The following POLB variants were observed in gnomAD, a reference collection of about 807,000 sequenced individuals.
POLB encodes the protein 5'-dRP lyase.
Under a neutral mutation model 52.7 loss-of-function variants are expected in POLB, and 37 were observed. The ratio of observed to expected loss-of-function variants is 0.70; its 90% confidence interval spans 0.54 to 0.92. The LOEUF (loss-of-function observed/expected upper bound fraction) is 0.92, where lower values mean the gene tolerates loss of function less well. Ranked by LOEUF, POLB falls within the 40% of genes least tolerant of loss-of-function variation. The pLI is 0.00. For missense variants in POLB, 313 were observed against 400.8 expected, an observed-to-expected ratio of 0.78 and a Z score of 1.87; for synonymous variants, 138 against 131.3, an observed-to-expected ratio of 1.05 and a Z score of -0.35.
At chr8:42,365,395 C>T (rs180882577) in intron 11 of POLB, among the ~76,000 whole-genome samples, 2 of 152,280 alleles carry the variant, frequency 1.3e-5, no homozygotes, top group South Asian at 2.1e-4. Flanking sequence ...AAAAATAGGG[C>T]TTGTGTATGC....
intron 4 of POLB, 27 bp from the exon 5 acceptor site, chr8:42,349,980 A>G: frequency 6.6e-7 from 1 of 1,512,018 alleles, no homozygotes; most frequent in Non-Finnish European, 9.2e-7. Flanking sequence ...TTCCTAAATC[A>G]TTGTTAGACT....
At chr8:42,348,622 G>A (rs1822777803) in intron 3 of POLB, among the ~76,000 whole-genome samples, 1 of 152,128 alleles carries the variant, frequency 6.6e-6, no homozygotes, top group South Asian at 2.1e-4. Flanking sequence ...TGATGCTGAT[G>A]TATGCAGGAG....
chr8:42,355,463 C>T (rs1585894235), intron 6 of POLB, 53 bp from the exon 7 acceptor site: 1 of 978,242 alleles, frequency 1.0e-6, no homozygotes, highest in South Asian at 1.4e-5. Flanking sequence ...TTAGCATTTT[C>T]CCCCCAAAAA....
intron 2 of POLB, among the ~76,000 whole-genome samples, chr8:42,344,484 A>AG (rs1389967428): frequency 6.7e-6 from 1 of 150,106 alleles, no homozygotes; most frequent in African/African-American, 2.5e-5. Flanking sequence ...AAAAAAAAAA[A>AG]GTTAGACATA....
intron 13 of POLB, 137 bp downstream of exon 13, chr8:42,370,125 A>G: frequency 2.7e-6 from 2 of 733,328 alleles, no homozygotes; most frequent in South Asian, 3.0e-5. Flanking sequence ...CCTTCAGGCA[A>G]CGAGAGAGGA....
chr8:42,350,899 C>T (rs1486321579), intron 5 of POLB, among the ~76,000 whole-genome samples: 7 of 149,086 alleles, frequency 4.7e-5, no homozygotes, highest in Non-Finnish European at 8.9e-5. Flanking sequence ...GAGATAGTGT[C>T]TTATTCTGCT....
intron 9 of POLB, 51 bp from the exon 10 acceptor site, chr8:42,361,244 C>A: frequency 7.5e-7 from 1 of 1,327,806 alleles, no homozygotes. Flanking sequence ...TCCATTTGCC[C>A]AATTGATACA....
intron 2 of POLB, chr8:42,341,799 G>C (rs144124683): frequency 4.4e-4 from 222 of 505,012 alleles, no homozygotes; most frequent in African/African-American, 3.9e-3. Context: ...TGAGCCGTGG[G>C]GAAGCTTGCC....
At chr8:42,353,789 T>C (rs971026275) in intron 6 of POLB, among the ~76,000 whole-genome samples, 4 of 152,168 alleles carry the variant, frequency 2.6e-5, no homozygotes, top group African/African-American at 9.7e-5. Flanking sequence ...GATGACCTTA[T>C]TGCGTCAGTT....
intron 2 of POLB, 152 bp from the exon 3 acceptor site, chr8:42,344,801 G>T: frequency 3.6e-6 from 2 of 558,276 alleles, no homozygotes; most frequent in East Asian, 6.2e-5. Context: ...GCAACAGAGG[G>T]AGACTGTCTC....
intron 11 of POLB, among the ~76,000 whole-genome samples, chr8:42,367,564 A>G (rs1294481166): frequency 6.6e-6 from 1 of 152,162 alleles, no homozygotes; most frequent in Non-Finnish European, 1.5e-5. Context: ...AGTGAAATAA[A>G]CCATTCTCAT....
intron 1 of POLB, 70 bp from the exon 2 acceptor site, chr8:42,338,942 C>T: frequency 7.5e-7 from 1 of 1,326,538 alleles, no homozygotes; most frequent in Non-Finnish European, 1.1e-6. Context: ...TGCCATATCC[C>T]CTTCCAGAAA....
intron 11 of POLB, among the ~76,000 whole-genome samples, chr8:42,364,370 A>T (rs1460511862): frequency 6.6e-6 from 1 of 152,096 alleles, no homozygotes; most frequent in African/African-American, 2.4e-5. Context: ...CTGGGACTGC[A>T]GGTGCGCACC....
chr8:42,344,413 G>A (rs181901935), intron 2 of POLB, among the ~76,000 whole-genome samples: 9 of 151,476 alleles, frequency 5.9e-5, no homozygotes, highest in African/African-American at 2.2e-4. Flanking sequence ...AGGTTGTGGT[G>A]AGCCGAGATT....
At chr8:42,339,824 G>C (rs1193961315) in intron 2 of POLB, 1 of 151,392 alleles carries the variant, frequency 6.6e-6, no homozygotes, top group African/African-American at 2.4e-5. Flanking sequence ...ACACACCTTG[G>C]TCTCCCAGAG....
intron 11 of POLB, among the ~76,000 whole-genome samples, chr8:42,365,019 C>T (rs1208684028): frequency 6.6e-6 from 1 of 151,474 alleles, no homozygotes; most frequent in African/African-American, 2.4e-5. Context: ...CCCAGGAGTT[C>T]GAGGGTATAG....
At chr8:42,340,611 C>G (rs535190245) in intron 2 of POLB, among the ~76,000 whole-genome samples, 6 of 152,226 alleles carry the variant, frequency 3.9e-5, no homozygotes, top group African/African-American at 1.4e-4. Flanking sequence ...TCTTTTCTTA[C>G]TTCTGTAGTT....
intron 3 of POLB, among the ~76,000 whole-genome samples, chr8:42,345,667 A>G (rs1157965956): frequency 6.6e-6 from 1 of 152,136 alleles, no homozygotes; most frequent in Non-Finnish European, 1.5e-5. Flanking sequence ...CCGAAATCCA[A>G]AATGCTCCAA....
rs3136735 is a variant in POLB, at chr8:42,346,550, A to AT, written c.186+1541dup. 2.2e-3 allele frequency among the ~76,000 whole-genome samples: 320 copies of AT among 148,676 alleles called. 2 individuals are homozygous for AT. The highest frequency in any genetic ancestry group is 0.021 in the South Asian group (96 of 4,570). On this transcript the variant is annotated intron_variant, in intron 3 of 13. Coordinates refer to ENST00000265421, the MANE Select transcript of POLB (RefSeq NM_002690.3). The stretch of plus-strand genomic sequence containing the variant: ...CAGGCATGCTCCATCACACTCAGAT[A>AT]TTTTTTTTTTAATTTATTTCTTTTG...
Sources: gnomAD v4.1 joint callset for allele counts (sites outside exome capture counted in the v4.1 genomes callset) on GRCh38, gnomAD v4.1.1 for gene constraint, MANE v1.5 for transcripts, NCBI Gene and HGNC (gene_info 2026-07-23, HGNC 2026-07-21) for gene names.